Variants in GMDS observed in about 807,000 individuals in gnomAD.
GMDS encodes GDP-mannose 4,6 dehydratase.
Under a neutral mutation model 49.9 loss-of-function variants are expected in GMDS, and 20 were observed. The observed-to-expected ratio is 0.40, with a 90% CI of 0.28 to 0.58. The LOEUF (loss-of-function observed/expected upper bound fraction) is 0.58. Ranked by LOEUF, GMDS falls within the 20% of genes least tolerant of loss-of-function variation. The pLI, the probability that GMDS is intolerant of heterozygous loss-of-function variation, is 0.42. For missense variants in GMDS, 362 were observed against 481.4 expected (o/e 0.75, Z 2.32); for synonymous variants, 177 against 178.6 (o/e 0.99, Z 0.07).
chr6:2,183,477 G>A (rs1277801426), intron 1 of GMDS, among the ~76,000 whole-genome samples: 2 of 152,210 alleles, frequency 1.3e-5, no homozygotes, highest in African/African-American at 4.8e-5. Context: ...CTGAGGAGTT[G>A]CTTCTTATAG....
At position 2,191,011 on chromosome 6, in the gene GMDS, G is replaced by A. The variant is rs1369683657; in HGVS notation, c.102+54310C>T. On this transcript the variant is annotated intron_variant, in intron 1 of 10. Transcript: ENST00000380815. The surrounding 1 kb of genome is among the most constrained non-coding windows in gnomAD (Gnocchi z 4.6). ...CACAACTGCTGCGGGGAGGGCACCA[G>A]GAGGAGGCAGCACTGGGGGACCCAG... 6.6e-6 allele frequency among the ~76,000 whole-genome samples: 1 copy of A among 152,146 alleles called. No homozygotes were observed. The highest frequency in any genetic ancestry group is 1.9e-4 in the East Asian group (1 of 5,182).
At chr6:2,028,369 C>T (rs770162479) in intron 4 of GMDS, among the ~76,000 whole-genome samples, 9 of 152,218 alleles carry the variant, frequency 5.9e-5, no homozygotes, top group Non-Finnish European at 1.2e-4. Context: ...GCAATTATCT[C>T]ATCTACCAGA....
At chr6:2,221,459 C>T (rs1253229187) in intron 1 of GMDS, among the ~76,000 whole-genome samples, 1 of 152,130 alleles carries the variant, frequency 6.6e-6, no homozygotes, top group East Asian at 1.9e-4. Flanking sequence ...CGGCTCACTG[C>T]AAGCTCCGCC....
intron 4 of GMDS, among the ~76,000 whole-genome samples, chr6:2,031,130 C>T (rs77133117): frequency 3.0e-3 from 454 of 152,282 alleles, no homozygotes; most frequent in Non-Finnish European, 4.8e-3. Context: ...CCTGTTAACA[C>T]GCACATCCTG....
intron 7 of GMDS, among the ~76,000 whole-genome samples, chr6:1,797,082 T>C (rs1053413557): frequency 1.3e-5 from 2 of 152,058 alleles, no homozygotes; most frequent in Non-Finnish European, 2.9e-5. Context: ...AAGCAGGAGG[T>C]GAGCAGCCTG....
chr6:1,632,241 A>G (rs1763023059), intron 9 of GMDS, among the ~76,000 whole-genome samples: 1 of 152,260 alleles, frequency 6.6e-6, no homozygotes, highest in Non-Finnish European at 1.5e-5. Flanking sequence ...CTTTACACAC[A>G]TTAATTTGAG....
intron 4 of GMDS, among the ~76,000 whole-genome samples, chr6:1,968,096 C>CT (rs1297647104): frequency 2.6e-5 from 4 of 152,166 alleles, no homozygotes; most frequent in South Asian, 4.1e-4. Flanking sequence ...CACTGAAGCC[C>CT]TTTTACCCCT....
intron 4 of GMDS, among the ~76,000 whole-genome samples, chr6:2,048,506 A>G (rs78970824): frequency 0.037 from 5,667 of 152,286 alleles, 117 homozygotes; most frequent in Middle Eastern, 0.085. Flanking sequence ...TCAAGACTGT[A>G]TTGACAATTC....
intron 7 of GMDS, among the ~76,000 whole-genome samples, chr6:1,895,755 T>A (rs1254023673): frequency 6.6e-6 from 1 of 152,158 alleles, no homozygotes; most frequent in Non-Finnish European, 1.5e-5. Flanking sequence ...CCCAATAGGT[T>A]TTGTACATAG....
At chr6:2,234,605 G>A (rs996785788) in intron 1 of GMDS, among the ~76,000 whole-genome samples, 11 of 150,662 alleles carry the variant, frequency 7.3e-5, no homozygotes, top group Non-Finnish European at 1.0e-4. Flanking sequence ...GCGAAACTCC[G>A]TATCAAAAAA....
chr6:2,039,275 G>A (rs750492554), intron 4 of GMDS, among the ~76,000 whole-genome samples: 48 of 152,296 alleles, frequency 3.2e-4, no homozygotes, highest in Non-Finnish European at 5.7e-4. Flanking sequence ...TGCTCTGGGT[G>A]AGAGTGAGTG....
Position 2,009,113 on chromosome 6 carries a change from C to T in GMDS, c.346-48147G>A, listed in dbSNP as rs149867725. ...AAAGTGGCTAGGTTTGTATTTAGTGCCACTTCTTGACTGACCAGTCACATT... is the reference window on the plus strand; with the variant it reads ...AAAGTGGCTAGGTTTGTATTTAGTGTCACTTCTTGACTGACCAGTCACATT... On this transcript the variant is annotated intron_variant, in intron 4 of 10. Coordinates refer to ENST00000380815, the MANE Select transcript of GMDS (RefSeq NM_001500.4). 5.3e-5 allele frequency among the ~76,000 whole-genome samples: 8 copies of T among 152,252 alleles called. No individual in the cohort carries two copies. The East Asian group carries it at 1.5e-3, about 29-fold the overall frequency.
chr6:1,816,583 C>T (rs1043549732), intron 7 of GMDS, among the ~76,000 whole-genome samples: 7 of 152,078 alleles, frequency 4.6e-5, no homozygotes, highest in African/African-American at 1.2e-4. Flanking sequence ...ATACTGTAAA[C>T]GATTTTGCTT....
At chr6:2,014,338 T>C (rs1767765514) in intron 4 of GMDS, among the ~76,000 whole-genome samples, 1 of 151,902 alleles carries the variant, frequency 6.6e-6, no homozygotes, top group Non-Finnish European at 1.5e-5. Flanking sequence ...ATTTAATATA[T>C]AACTGTTCAA....
At chr6:1,853,051 G>T (rs1228129974) in intron 7 of GMDS, among the ~76,000 whole-genome samples, 1 of 151,942 alleles carries the variant, frequency 6.6e-6, no homozygotes, top group East Asian at 1.9e-4. Context: ...TCTCATTTCT[G>T]TCCTTGTTGA....
At chr6:1,634,260 C>G (rs1307899334) in intron 9 of GMDS, among the ~76,000 whole-genome samples, 1 of 152,150 alleles carries the variant, frequency 6.6e-6, no homozygotes, top group Non-Finnish European at 1.5e-5. Context: ...CCAGCACCTG[C>G]TAGGGTGTGC....
At chr6:2,097,586 G>A (rs1462898213) in intron 4 of GMDS, among the ~76,000 whole-genome samples, 1 of 152,132 alleles carries the variant, frequency 6.6e-6, no homozygotes, top group Non-Finnish European at 1.5e-5. Flanking sequence ...ACAAATGCCT[G>A]AAATCTTTGC....
chr6:1,845,698 A>G (rs138648912), intron 7 of GMDS, among the ~76,000 whole-genome samples: 3 of 152,132 alleles, frequency 2.0e-5, no homozygotes, highest in Admixed American at 2.0e-4. Flanking sequence ...TCCACCTCAG[A>G]TCATCAGGCA....
intron 9 of GMDS, among the ~76,000 whole-genome samples, chr6:1,687,793 C>T (rs905025304): frequency 2.0e-5 from 3 of 152,000 alleles, no homozygotes; most frequent in African/African-American, 7.3e-5. Flanking sequence ...GTGTCAGTGC[C>T]CCAAGGTGAA....
Sources: allele counts gnomAD v4.1 joint callset (sites outside exome capture counted in the v4.1 genomes callset), GRCh38; gene constraint gnomAD v4.1.1; non-coding constraint Gnocchi (gnomAD v3.1); transcripts MANE v1.5; gene names NCBI Gene and HGNC (gene_info 2026-07-23, HGNC 2026-07-21).